The following TNRC6B variants were observed in gnomAD, a reference collection of about 807,000 sequenced individuals.
TNRC6B encodes trinucleotide repeat containing adaptor 6B, also known as trinucleotide repeat-containing gene 6B protein.
TNRC6B carries 52 observed loss-of-function variants against 203.6 expected under a neutral mutation model. The observed-to-expected ratio is 0.26, with a 90% CI of 0.20 to 0.32. The LOEUF (loss-of-function observed/expected upper bound fraction) is 0.32, where lower values mean the gene tolerates loss of function less well. Ranked by LOEUF, TNRC6B falls within the 10% of genes least tolerant of loss-of-function variation. TNRC6B has a pLI of 1.00. For missense variants in TNRC6B, 1,923 were observed against 2,286.2 expected (o/e 0.84, Z 3.24); for synonymous variants, 838 against 845.7 (o/e 0.99, Z 0.16).
At chr22:40,299,924 C>T (rs2070999959) in intron 12 of TNRC6B, among the ~76,000 whole-genome samples, 1 of 152,244 alleles carries the variant, frequency 6.6e-6, no homozygotes. Flanking sequence ...CCTGCCGGGT[C>T]AGTGACCTTC....
At chr22:40,288,450 A>G (rs2070818096) in intron 12 of TNRC6B, among the ~76,000 whole-genome samples, 2 of 152,168 alleles carry the variant, frequency 1.3e-5, no homozygotes, top group Admixed American at 6.5e-5. Flanking sequence ...CACACCTGCA[A>G]TCCCAGCCCT....
At chr22:40,104,203 A>T (rs1366890912) in intron 1 of TNRC6B, among the ~76,000 whole-genome samples, 1 of 152,084 alleles carries the variant, frequency 6.6e-6, no homozygotes, top group Non-Finnish European at 1.5e-5. Flanking sequence ...GTGAGCGGAG[A>T]TCACACCATT....
intron 3 of TNRC6B, among the ~76,000 whole-genome samples, chr22:40,130,574 G>A (rs1396535403): frequency 6.6e-6 from 1 of 151,358 alleles, no homozygotes; most frequent in African/African-American, 2.4e-5. Context: ...GAGGTCAGGA[G>A]ATCCAGACTA....
chr22:40,148,377 G>A lies in TNRC6B; in HGVS notation c.46-7738G>A, dbSNP rs531290479. Among the ~76,000 whole-genome samples, 6 of 149,144 alleles carry A rather than the reference G, an allele frequency of 4.0e-5. No individual in the cohort carries two copies. In the East Asian group the frequency reaches 6.1e-4, roughly 15 times the overall value. ...CGGCTCACTGCAACCTCCGCCTCCCGGGTTCAAGCAATTCTCCTGCCTTAG... is the reference window on the plus strand; with the variant it reads ...CGGCTCACTGCAACCTCCGCCTCCCAGGTTCAAGCAATTCTCCTGCCTTAG... On this transcript the variant is annotated intron_variant, in intron 3 of 23. Coordinates refer to the TNRC6B transcript ENST00000301923.
Position 40,281,335 on chromosome 22 carries a change from C to A in TNRC6B, c.3582+46C>A, listed in dbSNP as rs2070718970. ...TATAACTGCTTGGCTATGGCCTCGC[C>A]TTGGTCCTGGTCTGCAGTTTATTGC... On this transcript the variant is annotated intron_variant, in intron 11 of 22. Coordinates refer to ENST00000454349, the MANE Select transcript of TNRC6B (RefSeq NM_001162501.2). 16 of 1,469,200 alleles carry A rather than the reference C, an allele frequency of 1.1e-5. No homozygotes were observed. In the East Asian group the frequency reaches 4.1e-4, roughly 37 times the overall value. 91.0% of individuals were successfully genotyped at this position (1,469,200 alleles called of 1,614,324 possible).
intron 15 of TNRC6B, among the ~76,000 whole-genome samples, chr22:40,306,560 T>C (rs1416925932): frequency 6.6e-6 from 1 of 152,252 alleles, no homozygotes; most frequent in Non-Finnish European, 1.5e-5. Flanking sequence ...AGGAGCAACC[T>C]GCTTAGGCCA....
rs1429317122 is a variant in TNRC6B at position 40,265,410 on chromosome 22, A to G, written c.1180A>G (p.Met394Val). The G allele has an allele frequency of 2.5e-6, 4 of 1,614,046 alleles. No homozygotes were observed. Among genetic ancestry groups the G allele is most frequent in the Non-Finnish European group, 3.4e-6 (4 of 1,179,896 alleles). ...SSPNPMENKG[M>V]PFGMGLGNTS... The stretch of plus-strand genomic sequence containing the variant: ...ACCAAACCCCATGGAGAATAAGGGA[A>G]TGCCCTTTGGAATGGGCTTGGGGAA... The change falls in exon 5 of 23, where the codon ATG (methionine) becomes GTG (valine). Residue 394 changes from methionine (M) to valine (V), a missense_variant. Coordinates refer to ENST00000454349, the MANE Select transcript of TNRC6B (RefSeq NM_001162501.2).
At chr22:40,291,348 G>GCTA (rs2070867147) in intron 12 of TNRC6B, among the ~76,000 whole-genome samples, 1 of 151,998 alleles carries the variant, frequency 6.6e-6, no homozygotes, top group Non-Finnish European at 1.5e-5. Context: ...TGACACCGCT[G>GCTA]CAATCCAGCC....
intron 4 of TNRC6B, among the ~76,000 whole-genome samples, chr22:40,166,993 T>C (rs1253574261): frequency 6.6e-6 from 1 of 152,208 alleles, no homozygotes; most frequent in Non-Finnish European, 1.5e-5. Flanking sequence ...TCACTGTTTC[T>C]TGTACATTGG....
At chr22:40,290,700 T>TCCCTCTCTG (rs2070858865) in intron 12 of TNRC6B, among the ~76,000 whole-genome samples, 1 of 151,984 alleles carries the variant, frequency 6.6e-6, no homozygotes, top group African/African-American at 2.4e-5. Flanking sequence ...TTGTCTTTTC[T>TCCCTCTCTG]CCCTCTCTGC....
intron 1 of TNRC6B, among the ~76,000 whole-genome samples, chr22:40,064,937 T>G (rs2146274958): frequency 6.6e-6 from 1 of 152,214 alleles, no homozygotes; most frequent in South Asian, 2.1e-4. Flanking sequence ...TTTTATAGAT[T>G]GCTATATTTA....
intron 2 of TNRC6B, among the ~76,000 whole-genome samples, chr22:40,117,713 A>G (rs575154136): frequency 3.4e-4 from 52 of 152,290 alleles, no homozygotes; most frequent in African/African-American, 1.2e-3. Context: ...GCTTGGAAGC[A>G]GGGAGAAGAA....
At chr22:40,200,579 C>T (rs190979061) in intron 1 of TNRC6B, among the ~76,000 whole-genome samples, 152 of 151,974 alleles carry the variant, frequency 1.0e-3, no homozygotes, top group African/African-American at 3.4e-3. Context: ...TGAGCCACCG[C>T]GCCCGGCTAA....
At chr22:40,200,480 G>T (rs1262887107) in intron 1 of TNRC6B, among the ~76,000 whole-genome samples, 2 of 150,810 alleles carry the variant, frequency 1.3e-5, no homozygotes, top group Admixed American at 6.6e-5. Flanking sequence ...TAGAGACGGG[G>T]TGTCATCATG....
chr22:40,279,958 T>G (rs769396876), intron 9 of TNRC6B, 37 bp from the exon 10 acceptor site: 1 of 1,609,306 alleles, frequency 6.2e-7, no homozygotes, highest in African/African-American at 1.3e-5. Context: ...GAAACATTGA[T>G]TCTGGAAATT....
chr22:40,201,624 A>G (rs1183878915), intron 1 of TNRC6B, among the ~76,000 whole-genome samples: 2 of 151,690 alleles, frequency 1.3e-5, no homozygotes, highest in Admixed American at 6.6e-5. Flanking sequence ...TTGAAGAGAC[A>G]GGGTCTCGCT....
intron 4 of TNRC6B, among the ~76,000 whole-genome samples, chr22:40,159,040 G>A (rs1291195540): frequency 6.6e-6 from 1 of 151,800 alleles, no homozygotes; most frequent in African/African-American, 2.4e-5. Flanking sequence ...TCGGCTCACT[G>A]CAAGCTCCGC....
chr22:40,229,043 G>C (rs995486922), intron 1 of TNRC6B, among the ~76,000 whole-genome samples: 10 of 152,110 alleles, frequency 6.6e-5, no homozygotes, highest in Non-Finnish European at 1.2e-4. Flanking sequence ...AAGCAAAACC[G>C]TAAGAATGGT....
intron 5 of TNRC6B, among the ~76,000 whole-genome samples, chr22:40,268,667 T>C (rs1164937217): frequency 6.6e-6 from 1 of 151,898 alleles, no homozygotes; most frequent in Non-Finnish European, 1.5e-5. Flanking sequence ...ATCCCAGCAC[T>C]TTGGGAGGCC....
Sources: gnomAD v4.1 joint callset for allele counts (sites outside exome capture counted in the v4.1 genomes callset) on GRCh38, gnomAD v4.1.1 for gene constraint, MANE v1.5 for transcripts, NCBI Gene and HGNC (gene_info 2026-07-23, HGNC 2026-07-21) for gene names.